The following PCSK5 variants were observed in gnomAD, a reference collection of about 807,000 sequenced individuals.
PCSK5 encodes the protein prohormone convertase 5.
In PCSK5, 129 loss-of-function variants were observed where a neutral mutation model predicts 233.2. That is an observed-to-expected ratio of 0.55 (90% confidence interval 0.48 to 0.64). PCSK5 has a LOEUF of 0.64. Ranked by LOEUF, PCSK5 falls within the 30% of genes least tolerant of loss-of-function variation. The pLI is 0.00. For synonymous variants in PCSK5, 825 were observed against 879.2 expected (o/e 0.94, Z 1.09); for missense variants, 2,076 against 2,430.1 (o/e 0.85, Z 3.06).
intron 24 of PCSK5, among the ~76,000 whole-genome samples, chr9:76,266,700 T>C (rs927487696): frequency 1.3e-5 from 2 of 152,298 alleles, no homozygotes; most frequent in African/African-American, 2.4e-5. Context: ...ACTCACAGAC[T>C]TAAGCAGCCA....
intron 31 of PCSK5, 77 bp downstream of exon 31, chr9:76,321,716 G>A: frequency 2.3e-6 from 2 of 875,360 alleles, no homozygotes; most frequent in Non-Finnish European, 3.6e-6. Flanking sequence ...AGGGTGGATG[G>A]CAAAGAGCTG....
At chr9:76,340,924 G>A (rs1829816143) in intron 35 of PCSK5, among the ~76,000 whole-genome samples, 1 of 151,392 alleles carries the variant, frequency 6.6e-6, no homozygotes. Context: ...ACTTTTGAGA[G>A]TTCTAATTGG....
chr9:76,004,694 A>G (rs1048717618), intron 3 of PCSK5, among the ~76,000 whole-genome samples: 1 of 152,126 alleles, frequency 6.6e-6, no homozygotes, highest in East Asian at 1.9e-4. Flanking sequence ...CATTACTGAC[A>G]TTACTGACTT....
At chr9:76,214,496 A>G (rs1825450725) in intron 20 of PCSK5, among the ~76,000 whole-genome samples, 1 of 152,170 alleles carries the variant, frequency 6.6e-6, no homozygotes, top group Non-Finnish European at 1.5e-5. Flanking sequence ...TTTAAGTCCC[A>G]GCTCTGGCAA....
intron 7 of PCSK5, among the ~76,000 whole-genome samples, chr9:76,076,253 G>A (rs1029445896): frequency 6.6e-6 from 1 of 152,204 alleles, no homozygotes; most frequent in Admixed American, 6.5e-5. Flanking sequence ...GAGGGCCAAG[G>A]GAGATGTGTT....
At chr9:75,914,598 GC>G (rs1435126225) in intron 1 of PCSK5, among the ~76,000 whole-genome samples, 1 of 152,070 alleles carries the variant, frequency 6.6e-6, no homozygotes, top group Admixed American at 6.6e-5. Context: ...TTTCAGTAGG[GC>G]AAGAACACTG....
At chr9:76,122,816 CTTTTTTTTTTCTTT>C (rs1388934315) in intron 9 of PCSK5, among the ~76,000 whole-genome samples, 1 of 130,516 alleles carries the variant, frequency 7.7e-6, no homozygotes, top group Non-Finnish European at 1.6e-5. Context: ...CTTATTTTTT[CTTTTTTTTTTCTTT>C]TTTTTTTTTT....
intron 1 of PCSK5, among the ~76,000 whole-genome samples, chr9:75,930,423 A>G (rs777672151): frequency 6.6e-6 from 1 of 152,216 alleles, no homozygotes; most frequent in Non-Finnish European, 1.5e-5. Flanking sequence ...AGAATGGTCT[A>G]TTCAGTGAGT....
chr9:76,310,804 C>A lies in PCSK5; in HGVS notation c.3837C>A (p.Gly1279=). 6.2e-7 allele frequency: 1 copy of A among 1,610,984 alleles called. No individual in the cohort carries two copies. Among genetic ancestry groups the A allele is most frequent in the Non-Finnish European group, 8.5e-7 (1 of 1,179,098 alleles). ...GCAAAAAATGCCAGATGCAGCCGGG[C>A]CACCCTCTCTTCCTCCATGAAGGCA... ...DLCKKCQMQP[G]HPLFLHEGRC... Residue 1279 remains glycine (G), a synonymous_variant, in exon 30 of 38, where the codon GGC becomes GGA. Coordinates refer to ENST00000674117, the MANE Select transcript of PCSK5 (RefSeq NM_001372043.1).
At chr9:76,159,503 C>G (rs920700767) in intron 12 of PCSK5, among the ~76,000 whole-genome samples, 4 of 152,196 alleles carry the variant, frequency 2.6e-5, no homozygotes, top group East Asian at 1.9e-4. Flanking sequence ...TGTTGTCATT[C>G]GTTACAGATT....
At chr9:76,094,552 G>A (rs1366475966) in intron 7 of PCSK5, among the ~76,000 whole-genome samples, 2 of 152,074 alleles carry the variant, frequency 1.3e-5, no homozygotes, top group Admixed American at 1.3e-4. Flanking sequence ...ACTTCACTGT[G>A]TATGTCTATA....
chr9:76,280,332 C>T (rs1827826577), intron 24 of PCSK5, among the ~76,000 whole-genome samples: 1 of 152,098 alleles, frequency 6.6e-6, no homozygotes, highest in Non-Finnish European at 1.5e-5. Flanking sequence ...GGAAATGAGG[C>T]CAGTTAATAC....
rs372713070 is a variant in PCSK5 at position 76,157,037 on chromosome 9, T to C, written c.1313-8T>C. The C allele has an allele frequency of 3.7e-6, 6 of 1,604,980 alleles. No individual in the cohort carries two copies. Among genetic ancestry groups the C allele is most frequent in the Middle Eastern group, 1.7e-4 (1 of 6,032 alleles). On this transcript the variant is annotated splice_region_variant and splice_polypyrimidine_tract_variant and intron_variant, in intron 10 of 37. Transcript: ENST00000674117. The stretch of plus-strand genomic sequence containing the variant: ...TAGTGAAGCTGACCAGTCTCTCGCT[T>C]TCCACAGTGAGCCATCTTTATGGAT...
At chr9:76,057,378 A>G (rs1829858534) in intron 5 of PCSK5, among the ~76,000 whole-genome samples, 1 of 152,176 alleles carries the variant, frequency 6.6e-6, no homozygotes, top group African/African-American at 2.4e-5. Context: ...AAAATTTAAG[A>G]TGACTGATAT....
intron 20 of PCSK5, among the ~76,000 whole-genome samples, chr9:76,224,401 G>T (rs1262397368): frequency 2.0e-5 from 3 of 151,994 alleles, no homozygotes; most frequent in African/African-American, 7.3e-5. Flanking sequence ...AGAAGACAGA[G>T]ATGACTTTTG....
At chr9:76,321,273 C>G (rs1389845444) in intron 30 of PCSK5, 149 bp from the exon 31 acceptor site, 1 of 582,464 alleles carries the variant, frequency 1.7e-6, no homozygotes, top group African/African-American at 1.9e-5. Context: ...TCTGAATGTT[C>G]TTTTCACTTC....
At chr9:76,135,938 G>A (rs1311582471) in intron 10 of PCSK5, among the ~76,000 whole-genome samples, 1 of 152,056 alleles carries the variant, frequency 6.6e-6, no homozygotes, top group East Asian at 1.9e-4. Flanking sequence ...TGTTGGTTTA[G>A]GAGAGGGGGA....
chr9:76,156,238 A>T (rs1257787633), intron 10 of PCSK5, among the ~76,000 whole-genome samples: 1 of 152,282 alleles, frequency 6.6e-6, no homozygotes, highest in Non-Finnish European at 1.5e-5. Context: ...GCACATGTAT[A>T]TATTACTGTA....
At chr9:76,192,187 T>G (rs994308685) in intron 20 of PCSK5, among the ~76,000 whole-genome samples, 3 of 152,094 alleles carry the variant, frequency 2.0e-5, no homozygotes, top group East Asian at 3.9e-4. Context: ...CTTTAACTAC[T>G]TTCCCTAAAC....
Sources: gnomAD v4.1 joint callset for allele counts (sites outside exome capture counted in the v4.1 genomes callset) on GRCh38, gnomAD v4.1.1 for gene constraint, MANE v1.5 for transcripts, NCBI Gene and HGNC (gene_info 2026-07-23, HGNC 2026-07-21) for gene names.